The following NPIPB15 variants were observed in gnomAD, a reference collection of about 807,000 sequenced individuals.
NPIPB15 encodes nuclear pore complex-interacting protein family member B15.
NPIPB15 carries 5 observed loss-of-function variants against 35.9 expected under a neutral mutation model. The observed-to-expected ratio is 0.14, with a 90% CI of 0.07 to 0.29. NPIPB15 has a LOEUF of 0.29. Among genes scored for constraint, NPIPB15 ranks in the 10% least tolerant of loss-of-function variants. NPIPB15 has a pLI of 1.00. For missense variants in NPIPB15, 100 were observed against 506.1 expected (o/e 0.20, Z 7.70); for synonymous variants, 43 against 182.0 (o/e 0.24, Z 6.15).
intron 3 of NPIPB15, among the ~76,000 whole-genome samples, chr16:74,384,922 CCA>C (rs2012184254): frequency 6.6e-6 from 1 of 150,842 alleles, no homozygotes; most frequent in South Asian, 2.1e-4. Context: ...CTCAGGTGAT[CCA>C]CCTGCCTCGG....
At chr16:74,377,372 T>A (rs2011713460) in intron 1 of NPIPB15, among the ~76,000 whole-genome samples, 26 bp downstream of exon 1, 1 of 152,002 alleles carries the variant, frequency 6.6e-6, no homozygotes, top group South Asian at 2.1e-4. Context: ...AGAGAGGACC[T>A]GTCCTTGCGA....
intron 3 of NPIPB15, among the ~76,000 whole-genome samples, chr16:74,381,979 G>A (rs544507100): frequency 2.8e-3 from 303 of 108,598 alleles, no homozygotes; most frequent in Middle Eastern, 0.012. Flanking sequence ...ATGAGGTTTC[G>A]TCACTTAAAT....
intron 2 of NPIPB15, among the ~76,000 whole-genome samples, chr16:74,379,620 C>T (rs1446778400): frequency 3.3e-5 from 5 of 149,398 alleles, no homozygotes; most frequent in South Asian, 2.1e-4. Flanking sequence ...GACAGAGTCT[C>T]GCTCTGTCAC....
intron 2 of NPIPB15, among the ~76,000 whole-genome samples, chr16:74,379,085 C>A (rs2011841272): frequency 7.0e-6 from 1 of 143,502 alleles, no homozygotes; most frequent in African/African-American, 2.6e-5. Flanking sequence ...CAGGCGTGAA[C>A]CACCGTGCCC....
chr16:74,384,132 G>A (rs1347076718), intron 3 of NPIPB15, among the ~76,000 whole-genome samples: 25 of 114,722 alleles, frequency 2.2e-4, no homozygotes, highest in African/African-American at 8.4e-4. Context: ...TGAAGCTGAT[G>A]TGAGGGAAGG....
At chr16:74,382,837 T>C (rs1400228488) in intron 3 of NPIPB15, among the ~76,000 whole-genome samples, 2 of 151,938 alleles carry the variant, frequency 1.3e-5, no homozygotes, top group Admixed American at 1.3e-4. Flanking sequence ...TGAAGATATC[T>C]AGGCACATTT....
At chr16:74,390,501 T>G (rs1440621397) in intron 7 of NPIPB15, 2 of 66,774 alleles carry the variant, frequency 3.0e-5, no homozygotes, top group African/African-American at 1.3e-4. Flanking sequence ...CATTTTTCCA[T>G]GGACAAAAGT....
intron 2 of NPIPB15, among the ~76,000 whole-genome samples, chr16:74,379,418 A>G (rs1220677421): frequency 2.0e-5 from 3 of 152,126 alleles, no homozygotes; most frequent in African/African-American, 2.4e-5. Flanking sequence ...TCAAGAATAT[A>G]TAGTTAAATC....
chr16:74,378,423 C>CTTTTTTTT (rs1002146100), intron 2 of NPIPB15, among the ~76,000 whole-genome samples: 3 of 86,124 alleles, frequency 3.5e-5, no homozygotes, highest in East Asian at 4.7e-4. Flanking sequence ...GGTTTGATGC[C>CTTTTTTTT]TTTTTTTTTT....
chr16:74,383,791 C>T (rs1436394627), intron 3 of NPIPB15, among the ~76,000 whole-genome samples: 1 of 151,900 alleles, frequency 6.6e-6, no homozygotes, highest in African/African-American at 2.4e-5. Flanking sequence ...TAGCAGGCAC[C>T]TATAATCCCA....
At chr16:74,387,600 ACAG>A (rs1357779828) in intron 5 of NPIPB15, among the ~76,000 whole-genome samples, 1 of 150,448 alleles carries the variant, frequency 6.6e-6, no homozygotes, top group Non-Finnish European at 1.5e-5. Context: ...TCCCAAGTGC[ACAG>A]CAGGAGTAGT....
chr16:74,382,646 TGTG>T (rs2012054300), intron 3 of NPIPB15, among the ~76,000 whole-genome samples: 1 of 152,278 alleles, frequency 6.6e-6, no homozygotes, highest in African/African-American at 2.4e-5. Context: ...ACAGTAAAAA[TGTG>T]GTTTTCTGGG....
At chr16:74,389,344 G>A (rs1326354449) in intron 5 of NPIPB15, among the ~76,000 whole-genome samples, 4 of 150,930 alleles carry the variant, frequency 2.7e-5, no homozygotes, top group Non-Finnish European at 5.9e-5. Context: ...TATAGCAACA[G>A]TTTGGATCAG....
intron 3 of NPIPB15, among the ~76,000 whole-genome samples, chr16:74,382,621 G>A (rs2012052052): frequency 2.0e-5 from 3 of 152,270 alleles, no homozygotes; most frequent in Admixed American, 6.5e-5. Context: ...TCTACATTTT[G>A]TCTTACCATT....
rs547518784 is a variant in NPIPB15, at chr16:74,376,354, T to C, written c.-1015T>C. 1.6e-3 allele frequency among the ~76,000 whole-genome samples: 238 copies of C among 151,750 alleles called. No individual in the cohort carries two copies. Among genetic ancestry groups the C allele is most frequent in the Non-Finnish European group, 2.2e-3 (148 of 67,962 alleles). On this transcript the variant is annotated 5_prime_UTR_variant, in exon 1 of 8. Coordinates refer to ENST00000692376, the MANE Select transcript of NPIPB15 (RefSeq NM_001306094.2). Reference sequence around the variant, plus strand: ...ACTCTGTGTGATCGGGCAGAAGGCCTGTGGGAAGTTCAGCTGAGGACAGGG... The same window carrying C: ...ACTCTGTGTGATCGGGCAGAAGGCCCGTGGGAAGTTCAGCTGAGGACAGGG...
intron 2 of NPIPB15, among the ~76,000 whole-genome samples, chr16:74,380,968 C>A (rs1443507818): frequency 1.6e-4 from 24 of 152,020 alleles, no homozygotes; most frequent in Non-Finnish European, 2.9e-4. Flanking sequence ...CATGGTGAAA[C>A]CTCATCTCTA....
rs779528632 is a variant in NPIPB15, at chr16:74,387,806, CCT to C, written c.546-2018_546-2017del. ...ACTTTCCCTTTGAAGTGTTTTCGCC[CCT>C]GTTTCCTAGCGTTCTGGGAATTTTA... On this transcript the variant is annotated intron_variant, in intron 5 of 7. Coordinates refer to ENST00000692376, the MANE Select transcript of NPIPB15 (RefSeq NM_001306094.2). 3.1e-3 allele frequency among the ~76,000 whole-genome samples: 467 copies of C among 150,890 alleles called. 2 individuals carry two copies. The highest frequency in any genetic ancestry group is 8.7e-3 in the African/African-American group (356 of 41,032).
chr16:74,378,822 G>A (rs1270493068), intron 2 of NPIPB15, among the ~76,000 whole-genome samples: 1 of 151,498 alleles, frequency 6.6e-6, no homozygotes, highest in East Asian at 1.9e-4. Context: ...ATTTATTTGA[G>A]ACAGTTTCTC....
Position 74,376,690 on chromosome 16 carries a change from T to G in NPIPB15, c.-679T>G, listed in dbSNP as rs1291984332. Among the ~76,000 whole-genome samples, 2 of 152,138 alleles carry G rather than the reference T, an allele frequency of 1.3e-5. No homozygotes were observed. Among genetic ancestry groups the G allele is most frequent in the African/African-American group, 4.8e-5 (2 of 41,460 alleles). On this transcript the variant is annotated 5_prime_UTR_variant, in exon 1 of 8. Transcript: ENST00000692376. Reference sequence around the variant, plus strand: ...GGACATCATCACTCGGTTTCAGATGTTAAAATGTCTAGGTGGGTTAGGGGT... The same window carrying G: ...GGACATCATCACTCGGTTTCAGATGGTAAAATGTCTAGGTGGGTTAGGGGT...
Sources: gnomAD v4.1 joint callset for allele counts (sites outside exome capture counted in the v4.1 genomes callset) on GRCh38, gnomAD v4.1.1 for gene constraint, MANE v1.5 for transcripts, NCBI Gene and HGNC (gene_info 2026-07-23, HGNC 2026-07-21) for gene names.